PCDHGA12: variants seen among roughly 807,000 people sequenced by gnomAD.
The protein encoded by PCDHGA12 is protocadherin gamma-A12.
PCDHGA12 carries 43 observed loss-of-function variants against 61.1 expected under a neutral mutation model. That is an observed-to-expected ratio of 0.70 (90% CI 0.55 to 0.91). PCDHGA12 has a LOEUF of 0.91. PCDHGA12 is among the 40% of genes least tolerant of loss of function. The probability of loss-of-function intolerance (pLI) is 0.00; values close to 1 mark genes in which losing one functional copy is unlikely to be tolerated. For missense variants in PCDHGA12, 1,236 were observed against 1,227.7 expected, an observed-to-expected ratio of 1.01 and a Z score of -0.10; for synonymous variants, 520 against 542.9, an observed-to-expected ratio of 0.96 and a Z score of 0.59.
At position 141,490,076 on chromosome 5, in the gene PCDHGA12, A is replaced by G. The variant is rs1025569516; in HGVS notation, c.2425-4731A>G. 2.5e-6 allele frequency: 4 copies of G among 1,614,240 alleles called. No homozygotes were observed. The highest frequency in any genetic ancestry group is 1.3e-5 in the African/African-American group (1 of 75,070). Reference sequence around the variant, plus strand: ...GAGGGCACCAACGGCCAACTAGACTATTCTTTTGGAGACCACACATCTGAG... The same window carrying G: ...GAGGGCACCAACGGCCAACTAGACTGTTCTTTTGGAGACCACACATCTGAG... On this transcript the variant is annotated intron_variant, in intron 1 of 3. Coordinates refer to ENST00000252085, the MANE Select transcript of PCDHGA12 (RefSeq NM_003735.3). The surrounding 1 kb of genome is among the most constrained non-coding windows in gnomAD (Gnocchi z 5.4).
At chr5:141,441,398 G>A (rs1257981333) in intron 1 of PCDHGA12, 1 of 154,848 alleles carries the variant, frequency 6.5e-6, no homozygotes, top group Non-Finnish European at 1.4e-5. Context: ...TATAACATCA[G>A]CATCACTGCC....
Position 141,485,757 on chromosome 5 carries a change from T to A in PCDHGA12, c.2425-9050T>A. The A allele has an allele frequency of 6.2e-7, 1 of 1,614,174 alleles. No homozygotes were observed. The highest frequency in any genetic ancestry group is 8.5e-7 in the Non-Finnish European group (1 of 1,180,028). The stretch of plus-strand genomic sequence containing the variant: ...GACGGCAGCCTGGTCCCAGAGCTGC[T>A]CCTGGAGAAGCCTTTGGATCGAGAG... On this transcript the variant is annotated intron_variant, in intron 1 of 3. Transcript: ENST00000252085. The surrounding 1 kb of genome is among the most constrained non-coding windows in gnomAD (Gnocchi z 5.7).
At chr5:141,435,058 A>G (rs1161891073) in intron 1 of PCDHGA12, among the ~76,000 whole-genome samples, 3 of 152,234 alleles carry the variant, frequency 2.0e-5, no homozygotes, top group East Asian at 3.9e-4. Flanking sequence ...ACCATGCAGC[A>G]GTTTTGTGTA....
chr5:141,491,247 G>A lies in PCDHGA12; in HGVS notation c.2425-3560G>A, dbSNP rs1356752106. ...CAGTGCTGCTGGTTCTGGAGGATGA[G>A]GACCCTGAGGAAATGCCCAAATCCA... On this transcript the variant is annotated intron_variant, in intron 1 of 3. Coordinates refer to ENST00000252085, the MANE Select transcript of PCDHGA12 (RefSeq NM_003735.3). The surrounding 1 kb of genome is among the most constrained non-coding windows in gnomAD (Gnocchi z 6.9). The A allele has an allele frequency of 3.2e-5, 51 of 1,614,192 alleles. No individual in the cohort carries two copies. The highest frequency in any genetic ancestry group is 4.3e-5 in the Non-Finnish European group (51 of 1,180,018).
chr5:141,461,647 C>T (rs1242234255), intron 1 of PCDHGA12, among the ~76,000 whole-genome samples: 3 of 152,006 alleles, frequency 2.0e-5, no homozygotes, highest in Non-Finnish European at 4.4e-5. Context: ...TTCTTTGACC[C>T]ATGGATTATT....
chr5:141,492,125 C>T (rs1284932830), intron 1 of PCDHGA12, among the ~76,000 whole-genome samples: 1 of 152,222 alleles, frequency 6.6e-6, no homozygotes, highest in Non-Finnish European at 1.5e-5. Context: ...TTCTCCCCAG[C>T]TCCCAGCATC....
chr5:141,470,860 T>G (rs2099242265), intron 1 of PCDHGA12, among the ~76,000 whole-genome samples: 1 of 151,788 alleles, frequency 6.6e-6, no homozygotes, highest in South Asian at 2.1e-4. Context: ...GATAAGTTTT[T>G]TGTTTGTTTG....
rs73280911 is a variant in PCDHGA12, at chr5:141,446,356, A to C, written c.2424+13173A>C. Among the ~76,000 whole-genome samples the C allele has an allele frequency of 2.0e-5, 3 of 152,188 alleles. No individual in the cohort carries two copies. In the South Asian group the frequency reaches 6.2e-4, roughly 31 times the overall value. On this transcript the variant is annotated intron_variant, in intron 1 of 3. Transcript: ENST00000252085. ...ACTGGATGGACAAAGCTACCATTTGATGAGAATGGAAGACTAAAGAATGAT... is the reference window on the plus strand; with the variant it reads ...ACTGGATGGACAAAGCTACCATTTGCTGAGAATGGAAGACTAAAGAATGAT...
Position 141,431,975 on chromosome 5 carries a change from A to G in PCDHGA12, c.1216A>G (p.Thr406Ala). 1 of 1,614,218 alleles carries G rather than the reference A, an allele frequency of 6.2e-7. No individual in the cohort carries two copies. Among genetic ancestry groups the G allele is most frequent in the Non-Finnish European group, 8.5e-7 (1 of 1,180,022 alleles). ...KSYGNYYSLV[T>A]DIVLDREQVP... ...TTACGGAAATTACTATAGTTTAGTC[A>G]CAGACATAGTCTTGGATAGGGAACA... Residue 406 changes from threonine to alanine, a missense_variant, in exon 1 of 4, where the codon ACA (threonine) becomes GCA (alanine). By Grantham distance (58) the Thr-to-Ala change is moderately conservative. Transcript: ENST00000252085. The surrounding 1 kb of genome is among the most constrained non-coding windows in gnomAD (Gnocchi z 4.8).
At position 141,443,088 on chromosome 5, in the gene PCDHGA12, T is replaced by C. The variant is rs188899890; in HGVS notation, c.2424+9905T>C. On this transcript the variant is annotated intron_variant, in intron 1 of 3. Transcript: ENST00000252085. ...CGTCTTATGACTGAGTGTTCCAGTC[T>C]CCTTCTCAAGCTGAACCTTGCTTTT... is the stretch of plus-strand genomic sequence containing the variant. 2.9e-3 allele frequency among the ~76,000 whole-genome samples: 446 copies of C among 152,092 alleles called. 1 individual carries two copies. Among genetic ancestry groups the C allele is most frequent in the Middle Eastern group, 0.014 (4 of 294 alleles).
intron 2 of PCDHGA12, among the ~76,000 whole-genome samples, chr5:141,499,314 A>C (rs2099791047): frequency 6.6e-6 from 1 of 152,238 alleles, no homozygotes; most frequent in Non-Finnish European, 1.5e-5. Context: ...TCTGAGAGAC[A>C]GTATCCCTGC....
At chr5:141,445,808 T>A (rs1004030960) in intron 1 of PCDHGA12, among the ~76,000 whole-genome samples, 1 of 152,182 alleles carries the variant, frequency 6.6e-6, no homozygotes, top group Non-Finnish European at 1.5e-5. Flanking sequence ...AATAAATAGA[T>A]GAAACTAATA....
At chr5:141,507,537 C>CA (rs140454890) in intron 3 of PCDHGA12, among the ~76,000 whole-genome samples, 3,617 of 152,286 alleles carry the variant, frequency 0.024, 53 homozygotes, top group East Asian at 0.043. Context: ...AGGCCAGAGA[C>CA]TGAGTATGAA....
rs943867570 is a variant in PCDHGA12 at position 141,493,651 on chromosome 5, T to C, written c.2425-1156T>C. On this transcript the variant is annotated intron_variant, in intron 1 of 3. Coordinates refer to ENST00000252085, the MANE Select transcript of PCDHGA12 (RefSeq NM_003735.3). The surrounding 1 kb of genome is among the most constrained non-coding windows in gnomAD (Gnocchi z 4.3). ...AGTGGCTGAGGGCTGGCCATCCCTGTGCCCTTCTCCATGGCAGCCCCAGAA... is the reference window on the plus strand; with the variant it reads ...AGTGGCTGAGGGCTGGCCATCCCTGCGCCCTTCTCCATGGCAGCCCCAGAA... Among the ~76,000 whole-genome samples, 1 of 152,204 alleles carries C rather than the reference T, an allele frequency of 6.6e-6. No individual in the cohort carries two copies. The highest frequency in any genetic ancestry group is 1.5e-5 in the Non-Finnish European group (1 of 68,030).
In PCDHGA12 at chr5:141,486,697, C is replaced by T. The variant is rs146956400; in HGVS notation, c.2425-8110C>T. 89 of 1,614,058 alleles carry T rather than the reference C, an allele frequency of 5.5e-5. No homozygotes were observed. Among genetic ancestry groups the T allele is most frequent in the Non-Finnish European group, 7.4e-5 (87 of 1,180,040 alleles). ...GAGATGTATCAGCTTCCTCTTTCAT[C>T]TCTCTGAACCCCCAGACAGGAGCTG... On this transcript the variant is annotated intron_variant, in intron 1 of 3. Coordinates refer to ENST00000252085, the MANE Select transcript of PCDHGA12 (RefSeq NM_003735.3). The surrounding 1 kb of genome is among the most constrained non-coding windows in gnomAD (Gnocchi z 5.0).
chr5:141,451,812 C>G (rs974567828), intron 1 of PCDHGA12, among the ~76,000 whole-genome samples: 1 of 149,686 alleles, frequency 6.7e-6, no homozygotes, highest in Non-Finnish European at 1.5e-5. Flanking sequence ...ACCCAGGAGG[C>G]GGAGGTTACA....
At chr5:141,492,448 G>T (rs2734874) in intron 1 of PCDHGA12, among the ~76,000 whole-genome samples, 50 of 152,334 alleles carry the variant, frequency 3.3e-4, no homozygotes, top group African/African-American at 1.2e-3. Context: ...GTAGCTGATT[G>T]TGCGCGCCTG....
At chr5:141,498,073 T>C (rs1474889879) in intron 2 of PCDHGA12, among the ~76,000 whole-genome samples, 1 of 152,214 alleles carries the variant, frequency 6.6e-6, no homozygotes, top group Non-Finnish European at 1.5e-5. Context: ...CTGTCATAAG[T>C]GCTAGGTAGA....
chr5:141,497,062 A>C (rs779414748), intron 2 of PCDHGA12, among the ~76,000 whole-genome samples: 6 of 152,024 alleles, frequency 3.9e-5, no homozygotes, highest in Non-Finnish European at 7.4e-5. Flanking sequence ...GGTGGCAGGC[A>C]CCTGTAATCC....
Sources: allele counts gnomAD v4.1 joint callset (sites outside exome capture counted in the v4.1 genomes callset), GRCh38; gene constraint gnomAD v4.1.1; non-coding constraint Gnocchi (gnomAD v3.1); transcripts MANE v1.5; gene names NCBI Gene and HGNC (gene_info 2026-07-23, HGNC 2026-07-21).